The following APBB2 variants were observed in gnomAD, a reference collection of about 807,000 sequenced individuals.
The protein encoded by APBB2 is amyloid beta precursor protein binding family B member 2.
Under a neutral mutation model 82.5 loss-of-function variants are expected in APBB2, and 38 were observed. That is an observed-to-expected ratio of 0.46 (90% CI 0.36 to 0.60). APBB2 has a LOEUF of 0.60. APBB2 is among the 20% of genes least tolerant of loss of function. The probability of loss-of-function intolerance (pLI) is 0.00; values close to 1 mark genes in which losing one functional copy is unlikely to be tolerated. For synonymous variants in APBB2, 341 were observed against 368.2 expected (o/e 0.93, Z 0.85); for missense variants, 772 against 972.3 (o/e 0.79, Z 2.74).
At chr4:40,928,428 A>ACACACACACACAC (rs201061451) in intron 10 of APBB2, among the ~76,000 whole-genome samples, 3 of 54,082 alleles carry the variant, frequency 5.5e-5, no homozygotes, top group Non-Finnish European at 4.4e-5. Context: ...ACACACACAC[A>ACACACACACACAC]ATCAGCCAGG....
In APBB2 at chr4:41,033,246, T is replaced by G. The variant is rs1403833801; in HGVS notation, c.9A>C (p.Glu3Asp). The change falls in exon 5 of 18, where the codon GAA becomes GAC. Residue 3 changes from glutamate (E) to aspartate (D), a missense_variant. Physicochemically the swap from Glu to Asp is conservative, Grantham distance 45 (BLOSUM62 2). Transcript: ENST00000508593. The stretch of plus-strand genomic sequence containing the variant: ...GAAAATGTATCTGACCTGGAAGTAC[T>G]TCTGACATGGATCACCAGGCGTCAG... Reference protein sequence around the residue: MSEVLPADSGVDT... With the variant: MSDVLPADSGVDT... The G allele has an allele frequency of 6.3e-7, 1 of 1,595,206 alleles. No homozygotes were observed. Among genetic ancestry groups the G allele is most frequent in the Non-Finnish European group, 8.6e-7 (1 of 1,165,254 alleles).
chr4:40,820,536 G>A (rs1747488290), intron 17 of APBB2, among the ~76,000 whole-genome samples: 1 of 151,890 alleles, frequency 6.6e-6, no homozygotes, highest in Non-Finnish European at 1.5e-5. Context: ...GTGGTGGCAG[G>A]TGCCTGTAAT....
chr4:41,120,743 G>T (rs909029667), intron 2 of APBB2, among the ~76,000 whole-genome samples: 1 of 152,106 alleles, frequency 6.6e-6, no homozygotes, highest in Non-Finnish European at 1.5e-5. Context: ...CAGGCACCGC[G>T]CTCTTGCAAA....
At chr4:40,954,504 G>A (rs774524157) in intron 6 of APBB2, among the ~76,000 whole-genome samples, 1 of 152,094 alleles carries the variant, frequency 6.6e-6, no homozygotes, top group Non-Finnish European at 1.5e-5. Flanking sequence ...CTGCACACCC[G>A]GCCTAAGACA....
chr4:40,825,383 G>C (rs1416793774), intron 15 of APBB2, among the ~76,000 whole-genome samples: 1 of 152,200 alleles, frequency 6.6e-6, no homozygotes, highest in Non-Finnish European at 1.5e-5. Context: ...CCCTGGTGAA[G>C]GCTTCATCTC....
At chr4:41,034,839 T>C (rs1718519576) in intron 4 of APBB2, among the ~76,000 whole-genome samples, 1 of 152,166 alleles carries the variant, frequency 6.6e-6, no homozygotes, top group South Asian at 2.1e-4. Flanking sequence ...AACAAAATAA[T>C]ACATAATAAG....
intron 12 of APBB2, chr4:40,881,534 C>CTTTCTTT (rs1768563686): frequency 6.9e-6 from 1 of 145,072 alleles, no homozygotes; most frequent in African/African-American, 3.0e-5. Context: ...TTTTCTTTTT[C>CTTTCTTT]TTTTTTTTTT....
intron 3 of APBB2, among the ~76,000 whole-genome samples, chr4:41,080,126 G>A (rs1351722259): frequency 2.6e-5 from 4 of 152,142 alleles, no homozygotes; most frequent in African/African-American, 9.7e-5. Context: ...GGAACTACAC[G>A]ACTATGAAAA....
intron 10 of APBB2, among the ~76,000 whole-genome samples, chr4:40,926,650 G>A (rs1264422183): frequency 3.3e-5 from 5 of 152,128 alleles, no homozygotes; most frequent in Non-Finnish European, 5.9e-5. Context: ...CAAGAGTTCC[G>A]TCATGTTGGC....
chr4:40,841,812 G>GTGAT (rs1755909067), intron 12 of APBB2, among the ~76,000 whole-genome samples: 1 of 152,130 alleles, frequency 6.6e-6, no homozygotes, highest in African/African-American at 2.4e-5. Context: ...CCAAGTAGCT[G>GTGAT]TGATTACAGG....
intron 3 of APBB2, among the ~76,000 whole-genome samples, chr4:41,089,413 G>A (rs1740939642): frequency 1.3e-5 from 2 of 152,164 alleles, no homozygotes; most frequent in Middle Eastern, 3.4e-3. Context: ...ATCTATTTTC[G>A]TATTTTGGAC....
At chr4:41,134,395 T>G (rs12504535) in intron 2 of APBB2, among the ~76,000 whole-genome samples, 4 of 151,860 alleles carry the variant, frequency 2.6e-5, no homozygotes, top group African/African-American at 9.7e-5. Flanking sequence ...CTGGCTAACA[T>G]GGTGAAACCC....
chr4:41,102,260 T>C (rs887573574), intron 2 of APBB2, among the ~76,000 whole-genome samples: 1 of 152,172 alleles, frequency 6.6e-6, no homozygotes, highest in African/African-American at 2.4e-5. Context: ...GACAGAACCC[T>C]GCAAACACCA....
intron 2 of APBB2, among the ~76,000 whole-genome samples, chr4:41,111,838 C>G (rs1428473433): frequency 1.3e-5 from 2 of 152,188 alleles, no homozygotes; most frequent in African/African-American, 4.8e-5. Flanking sequence ...TTACCCTTAA[C>G]AAGCAGTCGC....
At chr4:41,067,957 G>GGAA (rs2153896720) in intron 3 of APBB2, among the ~76,000 whole-genome samples, 3 of 152,258 alleles carry the variant, frequency 2.0e-5, no homozygotes, top group African/African-American at 7.2e-5. Flanking sequence ...AGTCTAAGGG[G>GGAA]GAAGAGGTAA....
Position 40,944,981 on chromosome 4 carries a change from G to A in APBB2, c.928C>T (p.His310Tyr). The A allele has an allele frequency of 6.2e-7, 1 of 1,610,702 alleles. No individual in the cohort carries two copies. Among genetic ancestry groups the A allele is most frequent in the Non-Finnish European group, 8.5e-7 (1 of 1,178,812 alleles). The change falls in exon 7 of 18, where the codon CAC becomes TAC. Residue 310 changes from histidine to tyrosine, a missense_variant. Coordinates refer to ENST00000508593, the MANE Select transcript of APBB2 (RefSeq NM_004307.2). ...VSDIAGTYYW[H>Y]IPTGTTQWER... Reference sequence around the variant, plus strand: ...CACTGAGTCGTTCCTGTTGGGATGTGCCAATAATAGGTCCCGGCAATGTCA... The same window carrying A: ...CACTGAGTCGTTCCTGTTGGGATGTACCAATAATAGGTCCCGGCAATGTCA...
intron 17 of APBB2, among the ~76,000 whole-genome samples, chr4:40,819,186 T>TTC (rs1746910617): frequency 1.0e-5 from 1 of 97,916 alleles, no homozygotes; most frequent in Admixed American, 8.9e-5. Flanking sequence ...CTTTTTTTTT[T>TTC]TTCTTTTTTT....
intron 10 of APBB2, among the ~76,000 whole-genome samples, chr4:40,911,500 G>A (rs927700225): frequency 2.0e-5 from 3 of 152,110 alleles, no homozygotes; most frequent in Admixed American, 6.6e-5. Context: ...ATAAAATATC[G>A]ATTCAGTCGG....
At chr4:41,122,548 G>A (rs181222257) in intron 2 of APBB2, among the ~76,000 whole-genome samples, 21 of 152,144 alleles carry the variant, frequency 1.4e-4, no homozygotes, top group African/African-American at 5.1e-4. Context: ...GGACTGATAT[G>A]GATACCTGAA....
Sources: allele counts gnomAD v4.1 joint callset (sites outside exome capture counted in the v4.1 genomes callset), GRCh38; gene constraint gnomAD v4.1.1; transcripts MANE v1.5; gene names NCBI Gene and HGNC (gene_info 2026-07-23, HGNC 2026-07-21).